The following C2CD5 variants were observed in gnomAD, a reference collection of about 807,000 sequenced individuals.
C2CD5 encodes C2 calcium dependent domain containing 5.
Under a neutral mutation model 130.3 loss-of-function variants are expected in C2CD5, and 109 were observed. That is an observed-to-expected ratio of 0.84 (90% CI 0.72 to 0.98). C2CD5 has a LOEUF of 0.98. Ranked by LOEUF, C2CD5 falls within the 50% of genes least tolerant of loss-of-function variation. C2CD5 has a pLI of 0.00. For synonymous variants in C2CD5, 454 were observed against 429.2 expected, an observed-to-expected ratio of 1.06 and a Z score of -0.71; for missense variants, 996 against 1,261.8, an observed-to-expected ratio of 0.79 and a Z score of 3.19.
At chr12:22,513,458 C>T (rs966281261) in intron 8 of C2CD5, 79 bp from the exon 9 acceptor site, 1 of 858,196 alleles carries the variant, frequency 1.2e-6, no homozygotes, top group South Asian at 1.3e-5. Flanking sequence ...TCTTCATAAA[C>T]ATCATGAGTT....
At chr12:22,483,287 T>A (rs1944989657) in intron 13 of C2CD5, among the ~76,000 whole-genome samples, 1 of 152,076 alleles carries the variant, frequency 6.6e-6, no homozygotes, top group Non-Finnish European at 1.5e-5. Flanking sequence ...ATTTAAAATC[T>A]TAGGTTTTAT....
rs1397643368 is a variant in C2CD5, at chr12:22,475,322, C to A, written c.1903-431G>T. Among the ~76,000 whole-genome samples, 3 of 152,222 alleles carry A rather than the reference C, an allele frequency of 2.0e-5. No individual in the cohort carries two copies. The East Asian group carries it at 5.8e-4, about 29-fold the overall frequency. On this transcript the variant is annotated intron_variant, in intron 15 of 26. Coordinates refer to ENST00000446597, the MANE Select transcript of C2CD5 (RefSeq NM_001286176.2). ...TATATTTTCTTATCCACTTTCAAAG[C>A]TCCATATAGCAAAATGTGAAATATG... is the stretch of plus-strand genomic sequence containing the variant.
At position 22,497,907 on chromosome 12, in the gene C2CD5, T is replaced by TACACACAC. The variant is rs3063916; in HGVS notation, c.1148-4578_1148-4571dup. 6.9e-3 allele frequency among the ~76,000 whole-genome samples: 999 copies of TACACACAC among 145,714 alleles called. 1 individual carries two copies. Among genetic ancestry groups the TACACACAC allele is most frequent in the South Asian group, 0.01 (47 of 4,514 alleles). ...CACTACATACACGCATGCACACACA[T>TACACACAC]ACACACACACACACACACACACACA... is the stretch of plus-strand genomic sequence containing the variant. On this transcript the variant is annotated intron_variant, in intron 10 of 26. Coordinates refer to ENST00000446597, the MANE Select transcript of C2CD5 (RefSeq NM_001286176.2).
chr12:22,462,968 C>T (rs1282355419), intron 22 of C2CD5, among the ~76,000 whole-genome samples: 1 of 151,944 alleles, frequency 6.6e-6, no homozygotes, highest in Non-Finnish European at 1.5e-5. Flanking sequence ...TTAGTGGTCC[C>T]AGCTACTCAG....
intron 10 of C2CD5, among the ~76,000 whole-genome samples, chr12:22,503,135 T>A (rs1156449597): frequency 6.6e-6 from 1 of 152,148 alleles, no homozygotes; most frequent in Admixed American, 6.5e-5. Flanking sequence ...AGTTAGCAGG[T>A]GGTAGTGGTT....
At chr12:22,483,742 T>A (rs960868170) in intron 13 of C2CD5, among the ~76,000 whole-genome samples, 16 of 151,364 alleles carry the variant, frequency 1.1e-4, no homozygotes, top group African/African-American at 3.4e-4. Context: ...TGTGGGGAGG[T>A]TGAGAAAGAG....
At chr12:22,470,222 T>G (rs1197604811) in intron 21 of C2CD5, among the ~76,000 whole-genome samples, 7 of 152,152 alleles carry the variant, frequency 4.6e-5, no homozygotes, top group Non-Finnish European at 1.0e-4. Flanking sequence ...ATGCTATACA[T>G]GTAGAATGTA....
intron 9 of C2CD5, among the ~76,000 whole-genome samples, chr12:22,509,402 C>T (rs1222222148): frequency 6.6e-6 from 1 of 152,082 alleles, no homozygotes; most frequent in Non-Finnish European, 1.5e-5. Flanking sequence ...GATAAAGAAA[C>T]GAGGGCAAGC....
chr12:22,450,560 T>C (rs1251339674), intron 26 of C2CD5, among the ~76,000 whole-genome samples: 1 of 152,048 alleles, frequency 6.6e-6, no homozygotes, highest in Non-Finnish European at 1.5e-5. Flanking sequence ...AAATGATATA[T>C]ACAATATAAA....
chr12:22,535,622 A>G (rs1951747472), intron 2 of C2CD5, among the ~76,000 whole-genome samples: 1 of 152,200 alleles, frequency 6.6e-6, no homozygotes, highest in East Asian at 1.9e-4. Context: ...AGAGCAATAA[A>G]AGATCAACAA....
chr12:22,462,220 T>C (rs1396715056), intron 22 of C2CD5, among the ~76,000 whole-genome samples: 2 of 152,232 alleles, frequency 1.3e-5, no homozygotes, highest in African/African-American at 2.4e-5. Context: ...TAAAAGTCTT[T>C]CAGGCTTTGC....
intron 12 of C2CD5, among the ~76,000 whole-genome samples, chr12:22,487,354 T>G (rs891444503): frequency 1.3e-5 from 2 of 150,158 alleles, no homozygotes; most frequent in Non-Finnish European, 2.9e-5. Flanking sequence ...CAAACAAATT[T>G]ACAAGAAAAA....
chr12:22,470,894 G>A lies in C2CD5; in HGVS notation c.2376C>T (p.Val792=), dbSNP rs766338192. 1.7e-5 allele frequency: 27 copies of A among 1,609,714 alleles called. No individual in the cohort carries two copies. In the East Asian group the frequency reaches 2.0e-4, roughly 12 times the overall value. The change falls in exon 21 of 27, where the codon GTC becomes GTT. Residue 792 remains valine (V), a synonymous_variant. Coordinates refer to ENST00000446597, the MANE Select transcript of C2CD5 (RefSeq NM_001286176.2). The part of the protein sequence containing the change: ...DELIQVTVTA[V]AITFDKNQAL... ...CCTGATTTTTGTCAAAAGTGATTGC[G>A]ACTGCCGTGACTGTAACCTAGAATT...
At chr12:22,513,439 T>C (rs763035722) in intron 8 of C2CD5, 60 bp from the exon 9 acceptor site, 7 of 1,003,112 alleles carry the variant, frequency 7.0e-6, no homozygotes, top group Middle Eastern at 2.1e-4. Context: ...CAAAGTTTAA[T>C]TGCATTCATC....
rs1485350145 is a variant in C2CD5, at chr12:22,544,115, C to G, written c.36G>C (p.Gly12=). The G allele has an allele frequency of 6.2e-7, 1 of 1,614,120 alleles. No individual in the cohort carries two copies. Among genetic ancestry groups the G allele is most frequent in the Non-Finnish European group, 8.5e-7 (1 of 1,179,996 alleles). Residue 12 remains glycine (G), a synonymous_variant, in exon 2 of 27, where the codon GGG becomes GGC. Transcript: ENST00000446597. ...PGKLKVKIVA[G]RHLPVMDRAS... Reference sequence around the variant, plus strand: ...CACGGTCCATCACTGGCAAATGGCGCCCGGCCACGATTTTCACCTTCAGCT... The same window carrying G: ...CACGGTCCATCACTGGCAAATGGCGGCCGGCCACGATTTTCACCTTCAGCT...
At chr12:22,472,156 C>T (rs1251273535) in intron 18 of C2CD5, 91 bp from the exon 19 acceptor site, 4 of 868,894 alleles carry the variant, frequency 4.6e-6, no homozygotes, top group Admixed American at 2.3e-5. Flanking sequence ...ACAATACTAA[C>T]TAATGTAGTA....
At chr12:22,521,037 G>A (rs946008868) in intron 7 of C2CD5, among the ~76,000 whole-genome samples, 5 of 152,050 alleles carry the variant, frequency 3.3e-5, no homozygotes, top group Admixed American at 6.5e-5. Context: ...ATAACCTGTG[G>A]TATTTATAAT....
intron 7 of C2CD5, among the ~76,000 whole-genome samples, chr12:22,522,132 A>C (rs986465594): frequency 6.6e-6 from 1 of 152,230 alleles, no homozygotes; most frequent in African/African-American, 2.4e-5. Context: ...GCAGTTATGA[A>C]GTAGCATCAG....
chr12:22,533,937 G>A (rs755736917), intron 3 of C2CD5, among the ~76,000 whole-genome samples: 2 of 152,222 alleles, frequency 1.3e-5, no homozygotes, highest in South Asian at 2.1e-4. Context: ...TGTAATCCTA[G>A]CACTTTGGGA....
Sources: allele counts gnomAD v4.1 joint callset (sites outside exome capture counted in the v4.1 genomes callset), GRCh38; gene constraint gnomAD v4.1.1; transcripts MANE v1.5; gene names NCBI Gene and HGNC (gene_info 2026-07-23, HGNC 2026-07-21).